Variants in DNAJB11 observed in about 807,000 individuals in gnomAD.
The protein encoded by DNAJB11 is DnaJ heat shock protein family (Hsp40) member B11.
DNAJB11 carries 30 observed loss-of-function variants against 47.2 expected under a neutral mutation model. The ratio of observed to expected loss-of-function variants is 0.64; its 90% CI spans 0.48 to 0.86. The LOEUF (loss-of-function observed/expected upper bound fraction) is 0.86. Ranked by LOEUF, DNAJB11 falls within the 40% of genes least tolerant of loss-of-function variation. The probability of loss-of-function intolerance (pLI) is 0.00; values close to 1 mark genes in which losing one functional copy is unlikely to be tolerated. For synonymous variants in DNAJB11, 151 were observed against 159.9 expected, an observed-to-expected ratio of 0.94 and a Z score of 0.42; for missense variants, 357 against 440.2, an observed-to-expected ratio of 0.81 and a Z score of 1.69.
chr3:186,577,835 C>T, intron 4 of DNAJB11, 35 bp downstream of exon 4: 2 of 1,528,038 alleles, frequency 1.3e-6, no homozygotes, highest in Non-Finnish European at 1.8e-6. Flanking sequence ...CATATTGACT[C>T]CCAGAACTTG....
At chr3:186,584,770 C>G (rs1487801450) in intron 9 of DNAJB11, among the ~76,000 whole-genome samples, 181 bp downstream of exon 9, 6 of 152,080 alleles carry the variant, frequency 3.9e-5, no homozygotes, top group Non-Finnish European at 8.8e-5. Context: ...ATTAAAAATC[C>G]TGCATCTTTG....
chr3:186,577,282 G>A (rs1715332084), intron 3 of DNAJB11, among the ~76,000 whole-genome samples: 1 of 152,084 alleles, frequency 6.6e-6, no homozygotes, highest in African/African-American at 2.4e-5. Flanking sequence ...CATTACACAA[G>A]TTTATGTATA....
intron 2 of DNAJB11, 143 bp downstream of exon 2, chr3:186,572,394 T>G: frequency 1.2e-6 from 1 of 831,700 alleles, no homozygotes. Flanking sequence ...TAGGCTGGAG[T>G]GCAGTGGTGC....
chr3:186,572,386 G>C, intron 2 of DNAJB11, 135 bp downstream of exon 2: 1 of 909,338 alleles, frequency 1.1e-6, no homozygotes, highest in South Asian at 2.0e-5. Context: ...CTATTGCCTA[G>C]GCTGGAGTGC....
At chr3:186,577,297 A>G (rs990623792) in intron 3 of DNAJB11, among the ~76,000 whole-genome samples, 1 of 152,138 alleles carries the variant, frequency 6.6e-6, no homozygotes, top group Non-Finnish European at 1.5e-5. Flanking sequence ...TGTATACTAT[A>G]CTCTTTCTCA....
At chr3:186,582,317 T>C (rs1357077545) in intron 6 of DNAJB11, among the ~76,000 whole-genome samples, 1 of 152,216 alleles carries the variant, frequency 6.6e-6, no homozygotes, top group Non-Finnish European at 1.5e-5. Flanking sequence ...AGCCTAAGTT[T>C]CATCAAAATT....
chr3:186,584,325 TG>T (rs1715596211), intron 8 of DNAJB11, 104 bp from the exon 9 acceptor site: 2 of 1,156,616 alleles, frequency 1.7e-6, no homozygotes. Context: ...TCTTTCTTTT[TG>T]CTGAGCTGTG....
rs1036531268 is a variant in DNAJB11, at chr3:186,570,781, A to AC, written c.-112dup. 6.7e-6 allele frequency: 6 copies of AC among 894,594 alleles called. No individual in the cohort carries two copies. Among genetic ancestry groups the AC allele is most frequent in the South Asian group, 6.2e-5 (4 of 64,904 alleles). The allele number at this position is 894,594 out of a possible 1,614,324, so 55.4% of individuals were successfully genotyped here. On this transcript the variant is annotated 5_prime_UTR_variant, in exon 1 of 10. Transcript: ENST00000265028. ...CTAGCTGTCTCTGCGGACCAAGGAG[A>AC]CCCCCGCGCCCCCCCGGTGTGAGGC... is the stretch of plus-strand genomic sequence containing the variant.
In DNAJB11 at chr3:186,582,751, C is replaced by T. The variant is rs868661322; in HGVS notation, c.718C>T (p.Arg240Trp). ...PHVDGEPGDL[R>W]FRIKVVKHPI... ...CGTGGATGGGGAGCCTGGAGATTTA[C>T]GGTTCCGAATCAAAGTTGTCAAGTA... The change falls in exon 7 of 10, where the codon CGG (arginine) becomes TGG (tryptophan). Residue 240 changes from arginine (R) to tryptophan (W), a missense_variant. By Grantham distance (101) the Arg-to-Trp change is moderately radical. Transcript: ENST00000265028. The T allele has an allele frequency of 4.4e-6, 7 of 1,588,106 alleles. No homozygotes were observed. The highest frequency in any genetic ancestry group is 3.5e-5 in the Admixed American group (2 of 56,362).
chr3:186,583,744 AG>A, intron 7 of DNAJB11, 120 bp from the exon 8 acceptor site: 1 of 706,666 alleles, frequency 1.4e-6, no homozygotes, highest in African/African-American at 1.8e-5. Context: ...TACACACAAA[AG>A]TATGTCTAAG....
At chr3:186,577,899 G>A in intron 4 of DNAJB11, 99 bp downstream of exon 4, 1 of 1,002,870 alleles carries the variant, frequency 1.0e-6, no homozygotes, top group Non-Finnish European at 1.4e-6. Flanking sequence ...CTTTTTGAGG[G>A]TAAGAGAGAG....
Position 186,570,940 on chromosome 3 carries a change from T to C in DNAJB11, c.43T>C (p.Tyr15His). 6.4e-7 allele frequency: 1 copy of C among 1,568,818 alleles called. No individual in the cohort carries two copies. The highest frequency in any genetic ancestry group is 8.7e-7 in the Non-Finnish European group (1 of 1,153,966). The change falls in exon 1 of 10, where the codon TAC becomes CAC. Residue 15 changes from tyrosine to histidine, a missense_variant. By Grantham distance (83) the Tyr-to-His change is moderately conservative. Coordinates refer to ENST00000265028, the MANE Select transcript of DNAJB11 (RefSeq NM_016306.6). Reference sequence around the variant, plus strand: ...GAGCACCTTTTGCCTGTTGCTGCTATACCTCATCGGGGCGGTGATTGCCGG... The same window carrying C: ...GAGCACCTTTTGCCTGTTGCTGCTACACCTCATCGGGGCGGTGATTGCCGG... ...NLSTFCLLLL[Y>H]LIGAVIAGRD...
chr3:186,571,025 G>GT, intron 1 of DNAJB11, 60 bp downstream of exon 1: 2 of 964,044 alleles, frequency 2.1e-6, no homozygotes, highest in Non-Finnish European at 3.1e-6. Context: ...TGGGGGGTGG[G>GT]AGGGGGTGGG....
In DNAJB11 at chr3:186,585,423, G is replaced by A; in HGVS notation, c.*15G>A. 3 of 1,591,516 alleles carry A rather than the reference G, an allele frequency of 1.9e-6. No individual in the cohort carries two copies. Among genetic ancestry groups the A allele is most frequent in the Non-Finnish European group, 2.6e-6 (3 of 1,166,988 alleles). On this transcript the variant is annotated 3_prime_UTR_variant, in exon 10 of 10. Transcript: ENST00000265028. ...AAGGATATTGAGAGTGAATAAAATT[G>A]GACTTTGTTTAAAATAAGTGAATAA...
chr3:186,576,922 T>A lies in DNAJB11; in HGVS notation c.324-746T>A, dbSNP rs567877203. On this transcript the variant is annotated intron_variant, in intron 3 of 9. Coordinates refer to ENST00000265028, the MANE Select transcript of DNAJB11 (RefSeq NM_016306.6). ...TTGGTTGGTGGGAGAGGGAGTTATA[T>A]AGTTATCATCTTCGCTATGCTAATA... Among the ~76,000 whole-genome samples the A allele has an allele frequency of 7.9e-5, 12 of 152,336 alleles. No individual in the cohort carries two copies. The South Asian group carries it at 1.7e-3, about 21-fold the overall frequency.
chr3:186,574,026 G>T (rs1320452990), intron 2 of DNAJB11, among the ~76,000 whole-genome samples: 1 of 152,122 alleles, frequency 6.6e-6, no homozygotes, highest in African/African-American at 2.4e-5. Context: ...ATTCAAGCTT[G>T]ATTGCCTTTA....
At chr3:186,577,590 G>A (rs147720509) in intron 3 of DNAJB11, 78 bp from the exon 4 acceptor site, 19 of 1,341,752 alleles carry the variant, frequency 1.4e-5, no homozygotes, top group East Asian at 4.9e-5. Flanking sequence ...GTTTATCAAC[G>A]TAAAGAAAAT....
chr3:186,581,562 C>T (rs1417396121), intron 5 of DNAJB11, 49 bp downstream of exon 5: 4 of 1,590,994 alleles, frequency 2.5e-6, no homozygotes, highest in Non-Finnish European at 1.7e-6. Context: ...TTGTTAATTT[C>T]GTTCATCTAG....
At chr3:186,575,418 G>A (rs1305301907) in intron 2 of DNAJB11, among the ~76,000 whole-genome samples, 1 of 151,550 alleles carries the variant, frequency 6.6e-6, no homozygotes, top group Non-Finnish European at 1.5e-5. Flanking sequence ...TTGGGTAGGG[G>A]GTGTTATAGA....
Sources: allele counts gnomAD v4.1 joint callset (sites outside exome capture counted in the v4.1 genomes callset), GRCh38; gene constraint gnomAD v4.1.1; transcripts MANE v1.5; gene names NCBI Gene and HGNC (gene_info 2026-07-23, HGNC 2026-07-21).